Variants in DOT1L observed in about 807,000 individuals in gnomAD.
DOT1L encodes the protein DOT1 like histone lysine methyltransferase, also known as histone-lysine N-methyltransferase, H3 lysine-79 specific.
In DOT1L, 33 loss-of-function variants were observed where a neutral mutation model predicts 153.3. That is an observed-to-expected ratio of 0.22 (90% CI 0.16 to 0.29). The LOEUF (loss-of-function observed/expected upper bound fraction) is 0.29, where lower values mean the gene tolerates loss of function less well. Among genes scored for constraint, DOT1L ranks in the 10% least tolerant of loss-of-function variants. The pLI is 1.00. For missense variants in DOT1L, 1,847 were observed against 2,119.9 expected (o/e 0.87, Z 2.53); for synonymous variants, 1,135 against 965.1 (o/e 1.18, Z -3.26).
At chr19:2,178,212 G>T (rs1234648770) in intron 1 of DOT1L, among the ~76,000 whole-genome samples, 1 of 148,024 alleles carries the variant, frequency 6.8e-6, no homozygotes, top group Non-Finnish European at 1.5e-5. Flanking sequence ...GATTACAGGT[G>T]TGAACCACCA....
intron 1 of DOT1L, among the ~76,000 whole-genome samples, chr19:2,168,311 A>T (rs2020004335): frequency 6.6e-6 from 1 of 152,200 alleles, no homozygotes; most frequent in Non-Finnish European, 1.5e-5. Flanking sequence ...CTACCAAAAA[A>T]TTTAAAACAG....
Position 2,193,553 on chromosome 19 carries a change from G to A in DOT1L, c.494-136G>A, listed in dbSNP as rs549667877. The A allele has an allele frequency of 9.9e-6, 7 of 709,420 alleles. No homozygotes were observed. The South Asian group carries it at 1.3e-4, about 13-fold the overall frequency. 43.9% of individuals were successfully genotyped at this position (709,420 alleles called of 1,614,324 possible). A position where few individuals can be genotyped will look rare whatever the true frequency, so the allele number is the denominator to read the frequency against. On this transcript the variant is annotated intron_variant, in intron 5 of 27. Transcript: ENST00000398665. This position sits in a 1 kb window ranked among gnomAD's most constrained non-coding sequence, Gnocchi z 5.9. Reference sequence around the variant, plus strand: ...GATCCTGAGTGACCTTGGAGCATCGGATATGTGTGGAGACTGTGGCCTCCC... The same window carrying A: ...GATCCTGAGTGACCTTGGAGCATCGAATATGTGTGGAGACTGTGGCCTCCC...
At chr19:2,175,184 G>C (rs187614835) in intron 1 of DOT1L, among the ~76,000 whole-genome samples, 14 of 152,136 alleles carry the variant, frequency 9.2e-5, no homozygotes, top group African/African-American at 2.4e-4. Flanking sequence ...ATTTTTAGTA[G>C]AGACAGGGTT....
chr19:2,205,258 C>T (rs780164092), intron 9 of DOT1L, among the ~76,000 whole-genome samples: 1 of 152,170 alleles, frequency 6.6e-6, no homozygotes, highest in Non-Finnish European at 1.5e-5. Flanking sequence ...GCATGAGCCA[C>T]CGCACCTGGC....
intron 1 of DOT1L, among the ~76,000 whole-genome samples, chr19:2,166,859 G>A (rs2019942905): frequency 6.6e-6 from 1 of 152,152 alleles, no homozygotes; most frequent in Non-Finnish European, 1.5e-5. Flanking sequence ...GCTTCCCTGC[G>A]GCGCCCCCAT....
chr19:2,230,424 C>T lies in DOT1L; in HGVS notation c.*632C>T, dbSNP rs1419618680. ...CCCCCAGACTGTTCACCCTCCGGGG[C>T]GTGGGTTGCGCCCTTGCATGTGAAG... is the stretch of plus-strand genomic sequence containing the variant. On this transcript the variant is annotated 3_prime_UTR_variant, in exon 28 of 28. Coordinates refer to ENST00000398665, the MANE Select transcript of DOT1L (RefSeq NM_032482.3). 8 of 400,200 alleles carry T rather than the reference C, an allele frequency of 2.0e-5. No homozygotes were observed. The highest frequency in any genetic ancestry group is 4.1e-5 in the African/African-American group (2 of 48,780). 24.8% of individuals were successfully genotyped at this position (400,200 alleles called of 1,614,324 possible).
intron 1 of DOT1L, among the ~76,000 whole-genome samples, chr19:2,170,262 T>G (rs1864653787): frequency 6.6e-6 from 1 of 152,220 alleles, no homozygotes; most frequent in Admixed American, 6.5e-5. Context: ...GAGACCAGGA[T>G]GCAGGAACAG....
At position 2,222,422 on chromosome 19, in the gene DOT1L, A is replaced by T; in HGVS notation, c.3253A>T (p.Arg1085Trp). 1 of 1,610,144 alleles carries T rather than the reference A, an allele frequency of 6.2e-7. No individual in the cohort carries two copies. The highest frequency in any genetic ancestry group is 8.5e-7 in the Non-Finnish European group (1 of 1,178,694). The stretch of plus-strand genomic sequence containing the variant: ...GCCGAGCCACGGGCAGGACAGTCGC[A>T]GGCGCGGCCGGCGGAAGCGAGCATC... ...CVPSHGQDSRRRGRRKRASAG... is the reference protein window; with the variant it reads ...CVPSHGQDSRWRGRRKRASAG... The change falls in exon 24 of 28, where the codon AGG (arginine) becomes TGG (tryptophan). Residue 1085 changes from arginine to tryptophan, a missense_variant. Arg to Trp is a moderately radical substitution (Grantham distance 101). Around this residue, in one of 8 missense-constraint regions of DOT1L, gnomAD observed 934 missense variants for 825.3 expected, o/e 1.13. Coordinates refer to ENST00000398665, the MANE Select transcript of DOT1L (RefSeq NM_032482.3). This position sits in a 1 kb window ranked among gnomAD's most constrained non-coding sequence, Gnocchi z 6.5.
intron 10 of DOT1L, 71 bp downstream of exon 10, chr19:2,206,868 T>G: frequency 6.8e-7 from 1 of 1,465,652 alleles, no homozygotes; most frequent in Non-Finnish European, 9.5e-7. Context: ...TATTCCTAGG[T>G]CCCTCTTCCT....
At position 2,227,096 on chromosome 19, in the gene DOT1L, C is replaced by T. The variant is rs2144939852; in HGVS notation, c.4575C>T (p.Ser1525=). 6.4e-7 allele frequency: 1 copy of T among 1,559,056 alleles called. No individual in the cohort carries two copies. Among genetic ancestry groups the T allele is most frequent in the East Asian group, 2.3e-5 (1 of 43,366 alleles). Residue 1525 remains serine (S), a synonymous_variant, in exon 27 of 28, where the codon AGC becomes AGT. Transcript: ENST00000398665. ...TRLTNSHAMG[S]FSGVAGGTVG... ...TGACCAACTCGCACGCCATGGGCAG[C>T]TTTTCCGGGGTGGCAGGCGGCACAG...
intron 16 of DOT1L, 105 bp from the exon 17 acceptor site, chr19:2,213,434 C>T (rs760975891): frequency 2.5e-5 from 30 of 1,190,386 alleles, no homozygotes; most frequent in Non-Finnish European, 3.4e-5. Context: ...CATGTCTGTC[C>T]TTGAGCGTGT....
chr19:2,202,873 C>T (rs987396539), intron 9 of DOT1L, 94 bp downstream of exon 9: 24 of 1,308,218 alleles, frequency 1.8e-5, no homozygotes, highest in African/African-American at 5.8e-5. Flanking sequence ...GAAGGCAGCT[C>T]AGACTTGGGG....
Position 2,204,497 on chromosome 19 carries a change from G to A in DOT1L, c.787+1718G>A, listed in dbSNP as rs969751668. 1.3e-5 allele frequency among the ~76,000 whole-genome samples: 2 copies of A among 152,172 alleles called. No individual in the cohort carries two copies. The highest frequency in any genetic ancestry group is 2.4e-5 in the African/African-American group (1 of 41,444). The stretch of plus-strand genomic sequence containing the variant: ...GCACCCTGCAGCTGCATGCAGGAAG[G>A]CAGCAGTGGCTTCAGGCAGCTCCTG... On this transcript the variant is annotated intron_variant, in intron 9 of 27. Coordinates refer to ENST00000398665, the MANE Select transcript of DOT1L (RefSeq NM_032482.3). The surrounding 1 kb of genome is among the most constrained non-coding windows in gnomAD (Gnocchi z 5.7).
In DOT1L at chr19:2,222,159, C is replaced by T. The variant is rs200013941; in HGVS notation, c.2990C>T (p.Ser997Leu). 4.2e-4 allele frequency: 675 copies of T among 1,613,052 alleles called. No individual in the cohort carries two copies. Among genetic ancestry groups the T allele is most frequent in the African/African-American group, 5.6e-4 (42 of 75,064 alleles). ...HPLLLAQPRNSLPASPAHQLS... is the reference protein window; with the variant it reads ...HPLLLAQPRNLLPASPAHQLS... Reference sequence around the variant, plus strand: ...CTGCTGCTGGCACAGCCCCGGAACTCGCTTCCTGCCTCTCCCGCCCACCAG... The same window carrying T: ...CTGCTGCTGGCACAGCCCCGGAACTTGCTTCCTGCCTCTCCCGCCCACCAG... The change falls in exon 24 of 28, where the codon TCG becomes TTG. Residue 997 changes from serine (S) to leucine (L), a missense_variant. By Grantham distance (145) the Ser-to-Leu change is moderately radical. Around this residue, in one of 8 missense-constraint regions of DOT1L, gnomAD observed 934 missense variants for 825.3 expected, o/e 1.13. Transcript: ENST00000398665. This position sits in a 1 kb window ranked among gnomAD's most constrained non-coding sequence, Gnocchi z 6.5.
chr19:2,178,406 C>T (rs1252589788), intron 1 of DOT1L, among the ~76,000 whole-genome samples: 5 of 148,662 alleles, frequency 3.4e-5, no homozygotes, highest in African/African-American at 1.2e-4. Flanking sequence ...AAACACACTT[C>T]ACTTTGAAAT....
rs1209324055 is a variant in DOT1L at position 2,163,986 on chromosome 19, C to G, written c.-199C>G. Among the ~76,000 whole-genome samples, 2 of 149,644 alleles carry G rather than the reference C, an allele frequency of 1.3e-5. No homozygotes were observed. The highest frequency in any genetic ancestry group is 4.9e-5 in the African/African-American group (2 of 41,206). On this transcript the variant is annotated 5_prime_UTR_variant, in exon 1 of 28. Coordinates refer to ENST00000398665, the MANE Select transcript of DOT1L (RefSeq NM_032482.3). ...TGGCGGAGGCGCTGGAGGCCCCGGGCCTGTGACTACAAAGAGGGAGTCGGG... is the reference window on the plus strand; with the variant it reads ...TGGCGGAGGCGCTGGAGGCCCCGGGGCTGTGACTACAAAGAGGGAGTCGGG...
intron 9 of DOT1L, among the ~76,000 whole-genome samples, chr19:2,206,487 G>A (rs574690531): frequency 5.3e-4 from 79 of 147,848 alleles, no homozygotes; most frequent in Non-Finnish European, 9.4e-4. Flanking sequence ...GAACCAGGGA[G>A]GTGGAGGTTG....
Position 2,193,782 on chromosome 19 carries a change from A to AGGTGAGCGGATCTGAGGGCCAG in DOT1L, c.588+4_588+25dup. On this transcript the variant is annotated frameshift_variant and splice_region_variant, in exon 6 of 28. Transcript: ENST00000398665. LOFTEE classifies it high-confidence loss of function. The surrounding 1 kb of genome is among the most constrained non-coding windows in gnomAD (Gnocchi z 5.9). ...GCAGACATCCCGGCCAAGTATGCGG[A>AGGTGAGCGGATCTGAGGGCCAG]GGTGAGCGGATCTGAGGGCCAGGGT... 1 of 1,613,560 alleles carries AGGTGAGCGGATCTGAGGGCCAG rather than the reference A, an allele frequency of 6.2e-7. No homozygotes were observed. Among genetic ancestry groups the AGGTGAGCGGATCTGAGGGCCAG allele is most frequent in the Non-Finnish European group, 8.5e-7 (1 of 1,179,782 alleles).
chr19:2,204,239 G>A lies in DOT1L; in HGVS notation c.787+1460G>A, dbSNP rs1257152653. On this transcript the variant is annotated intron_variant, in intron 9 of 27. Coordinates refer to ENST00000398665, the MANE Select transcript of DOT1L (RefSeq NM_032482.3). This position sits in a 1 kb window ranked among gnomAD's most constrained non-coding sequence, Gnocchi z 5.7. ...TGTCTGTGCCTGTGTGCATGCCTGTGTGTGTGCGTGCCCGTGTGCCTCCGT... is the reference window on the plus strand; with the variant it reads ...TGTCTGTGCCTGTGTGCATGCCTGTATGTGTGCGTGCCCGTGTGCCTCCGT... Among the ~76,000 whole-genome samples, 2 of 151,676 alleles carry A rather than the reference G, an allele frequency of 1.3e-5. No homozygotes were observed. The highest frequency in any genetic ancestry group is 6.6e-5 in the Admixed American group (1 of 15,218).
Sources: allele counts gnomAD v4.1 joint callset (sites outside exome capture counted in the v4.1 genomes callset), GRCh38; gene constraint gnomAD v4.1.1; regional missense constraint gnomAD v4.1.1; non-coding constraint Gnocchi (gnomAD v3.1); transcripts MANE v1.5; gene names NCBI Gene and HGNC (gene_info 2026-07-23, HGNC 2026-07-21).